Variants in LINGO2 observed in about 807,000 individuals in gnomAD.
LINGO2 encodes the protein leucine rich repeat and Ig domain containing 2.
In LINGO2, 14 loss-of-function variants were observed where a neutral mutation model predicts 30.6. That is an observed-to-expected ratio of 0.46 (90% CI 0.30 to 0.72). LINGO2 has a LOEUF of 0.72. Ranked by LOEUF, LINGO2 falls within the 30% of genes least tolerant of loss-of-function variation. The pLI is 0.07. For missense variants in LINGO2, 729 were observed against 751.7 expected (o/e 0.97, Z 0.35); for synonymous variants, 317 against 288.5 (o/e 1.10, Z -1.00).
At chr9:27,992,818 G>A (rs1280112479) in intron 5 of LINGO2, among the ~76,000 whole-genome samples, 5 of 152,000 alleles carry the variant, frequency 3.3e-5, no homozygotes, top group East Asian at 3.9e-4. Context: ...GGTGCCTTGT[G>A]TGAAGCGTCA....
the LINGO2 span, among the ~76,000 whole-genome samples, chr9:28,691,131 T>C: frequency 6.2e-4 from 94 of 152,262 alleles, 2 homozygotes; most frequent in Middle Eastern, 0.024. Context: ...AGTTTGAAAA[T>C]CACTGCTTTA....
chr9:28,383,775 G>A (rs891234216), intron 2 of LINGO2, among the ~76,000 whole-genome samples: 19 of 152,060 alleles, frequency 1.2e-4, no homozygotes, highest in African/African-American at 4.3e-4. Context: ...AGTCGACCAT[G>A]TAATATTGTG....
At chr9:28,047,076 A>G (rs1288634068) in intron 4 of LINGO2, among the ~76,000 whole-genome samples, 3 of 152,138 alleles carry the variant, frequency 2.0e-5, no homozygotes, top group African/African-American at 7.2e-5. Context: ...AATCCCCATA[A>G]GCAGACAGTA....
intron 4 of LINGO2, among the ~76,000 whole-genome samples, chr9:28,117,891 C>G (rs1826977219): frequency 6.6e-6 from 1 of 152,130 alleles, no homozygotes; most frequent in Non-Finnish European, 1.5e-5. Context: ...ATTAAAAAGA[C>G]CAGGCTTAAT....
intron 5 of LINGO2, among the ~76,000 whole-genome samples, chr9:28,005,509 C>T (rs1563904399): frequency 6.6e-6 from 1 of 152,132 alleles, no homozygotes; most frequent in African/African-American, 2.4e-5. Context: ...TAATTCTCCA[C>T]ATATCCTAAG....
chr9:28,874,466 AT>A, the LINGO2 span, among the ~76,000 whole-genome samples: 1 of 152,190 alleles, frequency 6.6e-6, no homozygotes, highest in South Asian at 2.1e-4. Flanking sequence ...TACATGTATT[AT>A]TTTTTGATTT....
chr9:28,667,383 G>A (rs368900686), intron 1 of LINGO2, among the ~76,000 whole-genome samples: 38 of 152,150 alleles, frequency 2.5e-4, no homozygotes, highest in Middle Eastern at 3.4e-3. Flanking sequence ...TTTACAGAGA[G>A]TCACCATCAT....
the LINGO2 span, among the ~76,000 whole-genome samples, chr9:28,680,801 A>AT: frequency 6.6e-6 from 1 of 152,116 alleles, no homozygotes; most frequent in Non-Finnish European, 1.5e-5. Flanking sequence ...TCCTTTGCCC[A>AT]TTTTTAAATC....
At chr9:29,185,632 G>T in the LINGO2 span, among the ~76,000 whole-genome samples, 45 of 152,276 alleles carry the variant, frequency 3.0e-4, 1 homozygote, top group South Asian at 8.7e-3. Flanking sequence ...GACAATGGAA[G>T]TGGGATTTAG....
the LINGO2 span, among the ~76,000 whole-genome samples, chr9:29,164,723 CACAA>C: frequency 1.3e-5 from 2 of 151,940 alleles, no homozygotes; most frequent in South Asian, 2.1e-4. Flanking sequence ...TACACACACA[CACAA>C]ACACACACAT....
chr9:28,756,115 T>C, the LINGO2 span, among the ~76,000 whole-genome samples: 1 of 152,058 alleles, frequency 6.6e-6, no homozygotes, highest in Non-Finnish European at 1.5e-5. Context: ...AATTAGAATA[T>C]AAAAAACTAC....
At chr9:28,277,897 G>C (rs1351458774) in intron 4 of LINGO2, among the ~76,000 whole-genome samples, 1 of 151,376 alleles carries the variant, frequency 6.6e-6, no homozygotes, top group Non-Finnish European at 1.5e-5. Flanking sequence ...AGAAAGGTAT[G>C]TGGAAAGTCC....
the LINGO2 span, among the ~76,000 whole-genome samples, chr9:29,190,652 T>C: frequency 2.0e-5 from 3 of 152,072 alleles, no homozygotes; most frequent in African/African-American, 4.8e-5. Flanking sequence ...CAAAGAAAAG[T>C]ATAAAACAAA....
At chr9:28,998,852 A>G in the LINGO2 span, among the ~76,000 whole-genome samples, 1 of 152,132 alleles carries the variant, frequency 6.6e-6, no homozygotes, top group Non-Finnish European at 1.5e-5. Context: ...TTATATATAT[A>G]GCACAGGTCT....
chr9:27,999,368 C>A (rs1221089132), intron 5 of LINGO2, among the ~76,000 whole-genome samples: 1 of 151,608 alleles, frequency 6.6e-6, no homozygotes, highest in Non-Finnish European at 1.5e-5. Context: ...GTGTAACTTG[C>A]CAGCTGGCCG....
the LINGO2 span, among the ~76,000 whole-genome samples, chr9:28,727,625 T>G: frequency 2.0e-5 from 3 of 152,166 alleles, no homozygotes; most frequent in Non-Finnish European, 4.4e-5. Flanking sequence ...CACTGGTCTT[T>G]CATCCGTCTT....
chr9:28,137,814 T>A (rs1827561340), intron 4 of LINGO2, among the ~76,000 whole-genome samples: 1 of 152,134 alleles, frequency 6.6e-6, no homozygotes, highest in South Asian at 2.1e-4. Context: ...TATTTAAACA[T>A]GTATTTTGGT....
the LINGO2 span, among the ~76,000 whole-genome samples, chr9:29,201,924 T>C: frequency 1.3e-5 from 2 of 152,006 alleles, no homozygotes; most frequent in Non-Finnish European, 2.9e-5. Flanking sequence ...CAGAAATCAA[T>C]GGCAGTCAGA....
At chr9:27,967,435 C>T (rs1328115470) in intron 5 of LINGO2, among the ~76,000 whole-genome samples, 1 of 152,078 alleles carries the variant, frequency 6.6e-6, no homozygotes, top group Non-Finnish European at 1.5e-5. Flanking sequence ...TGTGGGCACA[C>T]CCAACTAAAT....
Sources: gnomAD v4.1 joint callset for allele counts (sites outside exome capture counted in the v4.1 genomes callset) on GRCh38, gnomAD v4.1.1 for gene constraint, MANE v1.5 for transcripts, NCBI Gene and HGNC (gene_info 2026-07-23, HGNC 2026-07-21) for gene names.